The following PTK2B variants were observed in gnomAD, a reference collection of about 807,000 sequenced individuals.
PTK2B encodes the protein protein tyrosine kinase 2 beta, also known as protein-tyrosine kinase 2-beta.
In PTK2B, 71 loss-of-function variants were observed where a neutral mutation model predicts 142.9. That is an observed-to-expected ratio of 0.50 (90% CI 0.41 to 0.61). The LOEUF (loss-of-function observed/expected upper bound fraction) is 0.61, where lower values mean the gene tolerates loss of function less well. PTK2B is among the 20% of genes least tolerant of loss of function. The pLI, the probability that PTK2B is intolerant of heterozygous loss-of-function variation, is 0.00. For missense variants in PTK2B, 1,105 were observed against 1,320.4 expected (o/e 0.84, Z 2.53); for synonymous variants, 519 against 503.4 (o/e 1.03, Z -0.42).
At chr8:27,433,961 C>T in intron 11 of PTK2B, 132 bp from the exon 12 acceptor site, 2 of 1,262,698 alleles carry the variant, frequency 1.6e-6, no homozygotes, top group East Asian at 2.3e-5. Context: ...CACTAGCTCC[C>T]AGGCTAGGAG....
chr8:27,437,406 G>A lies in PTK2B; in HGVS notation c.1437G>A (p.Lys479=). 6.2e-7 allele frequency: 1 copy of A among 1,612,068 alleles called. No homozygotes were observed. Among genetic ancestry groups the A allele is most frequent in the Non-Finnish European group, 8.5e-7 (1 of 1,179,090 alleles). Residue 479 remains lysine, a synonymous_variant, in exon 17 of 31, where the codon AAG becomes AAA. Coordinates refer to ENST00000346049, the MANE Select transcript of PTK2B (RefSeq NM_173176.3). Reference sequence around the variant, plus strand: ...CCCACCACACTGCAGTGATCATGAAGAACCTCGACCACCCGCACATCGTGA... The same window carrying A: ...CCCACCACACTGCAGTGATCATGAAAAACCTCGACCACCCGCACATCGTGA... ...EKFMSEAVIM[K]NLDHPHIVKL...
intron 3 of PTK2B, among the ~76,000 whole-genome samples, chr8:27,314,193 C>G (rs1000656652): frequency 2.0e-5 from 3 of 152,256 alleles, no homozygotes; most frequent in African/African-American, 7.2e-5. Context: ...GCTACTCATA[C>G]TTTGCTGAAC....
In PTK2B at chr8:27,458,328, T is replaced by C; in HGVS notation, c.2849T>C (p.Leu950Pro). 1.2e-6 allele frequency: 2 copies of C among 1,614,138 alleles called. No homozygotes were observed. Among genetic ancestry groups the C allele is most frequent in the Non-Finnish European group, 1.7e-6 (2 of 1,180,018 alleles). The change falls in exon 31 of 31, where the codon CTG (leucine) becomes CCG (proline). Residue 950 changes from leucine to proline, a missense_variant. Transcript: ENST00000346049. ...EGTQKLLNKD[L>P]AELINKMRLA... is the part of the protein sequence containing the mutation. ...ACCCAGAAACTGCTCAACAAAGACC[T>C]GGCAGAGCTCATCAACAAGATGCGG...
intron 2 of PTK2B, among the ~76,000 whole-genome samples, chr8:27,398,622 A>G (rs952036241): frequency 9.2e-5 from 14 of 152,174 alleles, no homozygotes; most frequent in African/African-American, 3.4e-4. Context: ...TGATGATGGG[A>G]GGGAAATCCA....
intron 2 of PTK2B, among the ~76,000 whole-genome samples, chr8:27,407,696 C>G (rs1396140314): frequency 6.6e-6 from 1 of 152,180 alleles, no homozygotes; most frequent in Non-Finnish European, 1.5e-5. Flanking sequence ...ACCTCTGGCC[C>G]AAGGACCCCG....
chr8:27,433,588 G>A (rs566850465), intron 11 of PTK2B, 36 bp downstream of exon 11: 135 of 1,562,416 alleles, frequency 8.6e-5, no homozygotes, highest in East Asian at 6.3e-4. Flanking sequence ...GCTGGACCAC[G>A]GGTGGCAGCA....
intron 1 of PTK2B, among the ~76,000 whole-genome samples, chr8:27,332,022 G>A (rs1172334895): frequency 2.0e-5 from 3 of 152,008 alleles, no homozygotes; most frequent in Non-Finnish European, 2.9e-5. Context: ...GGCAACATCC[G>A]GTCACATCCC....
chr8:27,398,959 T>C (rs1190225767), intron 2 of PTK2B, among the ~76,000 whole-genome samples: 1 of 152,230 alleles, frequency 6.6e-6, no homozygotes, highest in Non-Finnish European at 1.5e-5. Context: ...CTGTTTCCTG[T>C]AACTGATTTG....
intron 1 of PTK2B, among the ~76,000 whole-genome samples, chr8:27,392,458 G>T (rs1400983413): frequency 1.3e-5 from 2 of 152,126 alleles, no homozygotes; most frequent in African/African-American, 4.8e-5. Context: ...TTGCTTACGA[G>T]GAACTCTCAC....
rs79129517 is a variant in PTK2B, at chr8:27,349,095, C to A, written c.-38+23414C>A. On this transcript the variant is annotated intron_variant, in intron 1 of 30. Transcript: ENST00000346049. ...CCAAACAGAGGGGACTGAGGCCCAC[C>A]TCCTGTTCTCTTCTGGTGTCCTTAT... 4.5e-3 allele frequency among the ~76,000 whole-genome samples: 688 copies of A among 152,278 alleles called. 7 individuals are homozygous for A. The highest frequency in any genetic ancestry group is 0.036 in the East Asian group (184 of 5,168).
At chr8:27,431,148 G>A in intron 8 of PTK2B, 132 bp downstream of exon 8, 1 of 1,486,986 alleles carries the variant, frequency 6.7e-7, no homozygotes, top group Non-Finnish European at 9.1e-7. Context: ...TCGCTGACCT[G>A]CCGTCGGTGG....
At chr8:27,436,523 G>A (rs1189330837) in intron 15 of PTK2B, among the ~76,000 whole-genome samples, 175 bp downstream of exon 15, 1 of 152,046 alleles carries the variant, frequency 6.6e-6, no homozygotes, top group Admixed American at 6.6e-5. Context: ...AAAGAGTGGT[G>A]GAGACAAGAG....
rs1207593096 is a variant in PTK2B at position 27,458,639 on chromosome 8, C to T, written c.*130C>T. On this transcript the variant is annotated 3_prime_UTR_variant, in exon 31 of 31. Coordinates refer to ENST00000346049, the MANE Select transcript of PTK2B (RefSeq NM_173176.3). ...AGTCACCTTCCCTTGCCACTTTGCACGACGCCCTCTCCCCACCCCTACCCC... is the reference window on the plus strand; with the variant it reads ...AGTCACCTTCCCTTGCCACTTTGCATGACGCCCTCTCCCCACCCCTACCCC... 13 of 925,412 alleles carry T rather than the reference C, an allele frequency of 1.4e-5. No homozygotes were observed. The East Asian group carries it at 1.8e-4, about 13-fold the overall frequency. 57.3% of individuals were successfully genotyped at this position (925,412 alleles called of 1,614,324 possible).
intron 1 of PTK2B, among the ~76,000 whole-genome samples, chr8:27,330,695 C>T (rs1482596125): frequency 1.3e-5 from 2 of 152,182 alleles, no homozygotes; most frequent in Non-Finnish European, 2.9e-5. Context: ...AATTATTACT[C>T]ATGGTGACAG....
Position 27,404,300 on chromosome 8 carries a change from AT to A in PTK2B, c.204+6514del. On this transcript the variant is annotated intron_variant, in intron 2 of 30. Transcript: ENST00000346049. ...ACCATCTTTTCTCACCCAGGAAGAC[AT>A]TGAGCAGAAGCAGAGATATTCATCT... Among the ~76,000 whole-genome samples the A allele has an allele frequency of 2.0e-5, 3 of 152,306 alleles. No individual in the cohort carries two copies. The South Asian group carries it at 6.2e-4, about 32-fold the overall frequency.
At position 27,447,438 on chromosome 8, in the gene PTK2B, C is replaced by T. The variant is rs943308920; in HGVS notation, c.2340+1519C>T. ...AACAAAAATACAGAGGTGGTGTTCC[C>T]AGAAAAACAGTTTTTCTACTGAGTG... On this transcript the variant is annotated intron_variant, in intron 24 of 30. Coordinates refer to ENST00000346049, the MANE Select transcript of PTK2B (RefSeq NM_173176.3). Among the ~76,000 whole-genome samples, 117 of 152,324 alleles carry T rather than the reference C, an allele frequency of 7.7e-4. 1 individual carries two copies. Among genetic ancestry groups the T allele is most frequent in the African/African-American group, 2.5e-3 (104 of 41,582 alleles).
At chr8:27,407,895 A>G (rs1808821530) in intron 2 of PTK2B, among the ~76,000 whole-genome samples, 1 of 152,172 alleles carries the variant, frequency 6.6e-6, no homozygotes, top group Non-Finnish European at 1.5e-5. Flanking sequence ...TCTGTAACCC[A>G]CATAAAGCCA....
chr8:27,422,450 C>T (rs1200254675), intron 5 of PTK2B, 67 bp downstream of exon 5: 1 of 1,370,968 alleles, frequency 7.3e-7, no homozygotes, highest in Non-Finnish European at 9.8e-7. Flanking sequence ...CGACCTTTCC[C>T]CATGTCCAAG....
intron 1 of PTK2B, among the ~76,000 whole-genome samples, chr8:27,349,958 C>T (rs567198738): frequency 3.5e-4 from 54 of 152,318 alleles, no homozygotes; most frequent in African/African-American, 1.3e-3. Context: ...TTCACAGGGT[C>T]CCCTTGACCA....
Sources: gnomAD v4.1 joint callset for allele counts (sites outside exome capture counted in the v4.1 genomes callset) on GRCh38, gnomAD v4.1.1 for gene constraint, MANE v1.5 for transcripts, NCBI Gene and HGNC (gene_info 2026-07-23, HGNC 2026-07-21) for gene names.